Variants in PRKG1 observed in about 807,000 individuals in gnomAD.
The protein encoded by PRKG1 is cGMP-dependent protein kinase 1.
PRKG1 carries 35 observed loss-of-function variants against 88.1 expected under a neutral mutation model. That is an observed-to-expected ratio of 0.40 (90% CI 0.30 to 0.53). The LOEUF (loss-of-function observed/expected upper bound fraction) is 0.53. Among genes scored for constraint, PRKG1 ranks in the 20% least tolerant of loss-of-function variants. The probability of loss-of-function intolerance (pLI) is 0.59; values close to 1 mark genes in which losing one functional copy is unlikely to be tolerated. For synonymous variants in PRKG1, 303 were observed against 292.5 expected (o/e 1.04, Z -0.37); for missense variants, 540 against 839.8 (o/e 0.64, Z 4.41).
chr10:52,280,760 A>G (rs1320732416), intron 12 of PRKG1, 29 bp from the exon 13 acceptor site: 2 of 1,597,788 alleles, frequency 1.3e-6, no homozygotes, highest in Non-Finnish European at 1.7e-6. Context: ...AATTTTTTAT[A>G]CAATTTTCAT....
chr10:52,089,681 T>C (rs2133320051), intron 7 of PRKG1, among the ~76,000 whole-genome samples: 1 of 152,218 alleles, frequency 6.6e-6, no homozygotes, highest in Admixed American at 6.5e-5. Flanking sequence ...AGTTCAGATA[T>C]ATTTATATAC....
chr10:51,091,397 A>G (rs1844394740), intron 1 of PRKG1, among the ~76,000 whole-genome samples: 1 of 152,166 alleles, frequency 6.6e-6, no homozygotes, highest in African/African-American at 2.4e-5. Flanking sequence ...TACTCCCAGG[A>G]CCTGGCAACC....
intron 3 of PRKG1, among the ~76,000 whole-genome samples, chr10:51,773,711 A>G (rs943232820): frequency 6.6e-6 from 1 of 152,146 alleles, no homozygotes; most frequent in African/African-American, 2.4e-5. Flanking sequence ...TATGTAAATC[A>G]CATTATATGT....
chr10:51,215,356 C>T (rs1265398253), intron 2 of PRKG1, among the ~76,000 whole-genome samples: 1 of 152,198 alleles, frequency 6.6e-6, no homozygotes, highest in Non-Finnish European at 1.5e-5. Flanking sequence ...ACAACTACCA[C>T]TTATGCTGCT....
chr10:52,277,383 A>T (rs1841899577), intron 12 of PRKG1, among the ~76,000 whole-genome samples: 1 of 152,172 alleles, frequency 6.6e-6, no homozygotes, highest in Non-Finnish European at 1.5e-5. Flanking sequence ...CCTATTCTAT[A>T]CTATGTTAGT....
At chr10:51,622,454 C>T (rs1249633849) in intron 3 of PRKG1, among the ~76,000 whole-genome samples, 1 of 152,188 alleles carries the variant, frequency 6.6e-6, no homozygotes, top group Non-Finnish European at 1.5e-5. Context: ...TGAAAGACCA[C>T]AGAAACTCTT....
intron 9 of PRKG1, among the ~76,000 whole-genome samples, chr10:52,200,285 C>A (rs1839630851): frequency 6.6e-6 from 1 of 152,092 alleles, no homozygotes; most frequent in Non-Finnish European, 1.5e-5. Flanking sequence ...TGTTTAGCTG[C>A]TACTTATAAA....
intron 1 of PRKG1, among the ~76,000 whole-genome samples, chr10:51,059,601 G>A (rs1159266426): frequency 6.6e-6 from 1 of 152,040 alleles, no homozygotes; most frequent in East Asian, 1.9e-4. Context: ...ATTATAAATG[G>A]ATTTTGAATT....
At chr10:51,331,031 G>A in intron 2 of PRKG1, among the ~76,000 whole-genome samples, 1 of 152,130 alleles carries the variant, frequency 6.6e-6, no homozygotes, top group East Asian at 1.9e-4. Context: ...TCCTGGGGTA[G>A]TTCAGAAGGC....
intron 7 of PRKG1, among the ~76,000 whole-genome samples, chr10:52,103,332 C>T (rs1015033975): frequency 2.6e-5 from 4 of 152,116 alleles, no homozygotes; most frequent in African/African-American, 9.7e-5. Context: ...GTGCCTGCCT[C>T]TCCTGCCTCC....
At chr10:52,025,707 C>T (rs1845317733) in intron 5 of PRKG1, among the ~76,000 whole-genome samples, 1 of 151,526 alleles carries the variant, frequency 6.6e-6, no homozygotes, top group Admixed American at 6.6e-5. Flanking sequence ...AGTACCAGTA[C>T]CATGCTGTTT....
chr10:51,634,636 G>T (rs1178483120), intron 3 of PRKG1, among the ~76,000 whole-genome samples: 1 of 152,056 alleles, frequency 6.6e-6, no homozygotes, highest in Non-Finnish European at 1.5e-5. Flanking sequence ...CAATTCTTAA[G>T]AATCGACTTT....
Position 51,103,742 on chromosome 10 carries a change from G to A in PRKG1, c.311+28841G>A, listed in dbSNP as rs572600958. On this transcript the variant is annotated intron_variant, in intron 1 of 17. Coordinates refer to ENST00000373980, the MANE Select transcript of PRKG1 (RefSeq NM_006258.4). ...AGCTCCTGATCCTGACTGAAGCAAA[G>A]CCAGTATCTTTGGGAGTGACTTCAT... 6.6e-5 allele frequency among the ~76,000 whole-genome samples: 10 copies of A among 152,264 alleles called. No individual in the cohort carries two copies. In the South Asian group the frequency reaches 1.9e-3, roughly 28 times the overall value.
At chr10:51,408,437 G>T (rs1837984844) in intron 2 of PRKG1, among the ~76,000 whole-genome samples, 1 of 152,214 alleles carries the variant, frequency 6.6e-6, no homozygotes, top group Non-Finnish European at 1.5e-5. Flanking sequence ...GGCATTCCAT[G>T]AGTCCATGGA....
At chr10:51,781,671 G>A (rs1024086233) in intron 3 of PRKG1, among the ~76,000 whole-genome samples, 2 of 152,102 alleles carry the variant, frequency 1.3e-5, no homozygotes, top group Non-Finnish European at 2.9e-5. Flanking sequence ...GCACTCTTAA[G>A]TAGTCACAGC....
intron 3 of PRKG1, among the ~76,000 whole-genome samples, chr10:51,723,174 T>C (rs973748137): frequency 6.6e-6 from 1 of 152,336 alleles, no homozygotes; most frequent in Admixed American, 6.5e-5. Flanking sequence ...TCCTGATTAA[T>C]TGAGTTTATT....
chr10:52,171,326 A>G (rs1446006669), intron 9 of PRKG1, among the ~76,000 whole-genome samples: 3 of 152,038 alleles, frequency 2.0e-5, no homozygotes, highest in Admixed American at 6.5e-5. Context: ...AATGGGAACG[A>G]TATGTCAATT....
chr10:51,339,689 T>A (rs1841960575), intron 2 of PRKG1, among the ~76,000 whole-genome samples: 1 of 152,032 alleles, frequency 6.6e-6, no homozygotes, highest in Non-Finnish European at 1.5e-5. Context: ...TATTTTCTCA[T>A]GCAAAGTATA....
At chr10:51,746,949 G>A (rs1261315017) in intron 3 of PRKG1, among the ~76,000 whole-genome samples, 1 of 152,002 alleles carries the variant, frequency 6.6e-6, no homozygotes, top group Non-Finnish European at 1.5e-5. Flanking sequence ...AACCTAAAGG[G>A]TGGCTTTTCT....
Sources: allele counts gnomAD v4.1 joint callset (sites outside exome capture counted in the v4.1 genomes callset), GRCh38; gene constraint gnomAD v4.1.1; transcripts MANE v1.5; gene names NCBI Gene and HGNC (gene_info 2026-07-23, HGNC 2026-07-21).